Variants in TLK1 observed in about 807,000 individuals in gnomAD.
TLK1 encodes tousled like kinase 1.
Under a neutral mutation model 105.3 loss-of-function variants are expected in TLK1, and 24 were observed. The ratio of observed to expected loss-of-function variants is 0.23; its 90% CI spans 0.17 to 0.32. The LOEUF (loss-of-function observed/expected upper bound fraction) is 0.32, where lower values mean the gene tolerates loss of function less well. TLK1 is among the 10% of genes least tolerant of loss of function. TLK1 has a pLI of 1.00. For synonymous variants in TLK1, 321 were observed against 310.4 expected (o/e 1.03, Z -0.36); for missense variants, 558 against 910.5 (o/e 0.61, Z 4.98).
At chr2:171,015,682 CATTCATACACACACACAT>C (rs1411986042) in intron 12 of TLK1, among the ~76,000 whole-genome samples, 5 of 118,574 alleles carry the variant, frequency 4.2e-5, no homozygotes, top group South Asian at 3.3e-4. Flanking sequence ...TCATGTCATT[CATTCATACACACACACAT>C]ATACACACAC....
rs989773578 is a variant in TLK1 at position 171,053,859 on chromosome 2, T to C, written c.640-6A>G. ...TTCAGCATTGTGAGATCAGTCTAAATGAAAAAAAGTTATTTTATTATCTCC... is the reference window on the plus strand; with the variant it reads ...TTCAGCATTGTGAGATCAGTCTAAACGAAAAAAAGTTATTTTATTATCTCC... On this transcript the variant is annotated splice_polypyrimidine_tract_variant and splice_region_variant and intron_variant, in intron 7 of 20. Coordinates refer to ENST00000431350, the MANE Select transcript of TLK1 (RefSeq NM_012290.5). 6.3e-7 allele frequency: 1 copy of C among 1,575,130 alleles called. No homozygotes were observed. The highest frequency in any genetic ancestry group is 1.2e-5 in the South Asian group (1 of 85,176).
chr2:170,997,355 C>A (rs1456197595), intron 19 of TLK1, among the ~76,000 whole-genome samples: 1 of 152,044 alleles, frequency 6.6e-6, no homozygotes, highest in Admixed American at 6.5e-5. Flanking sequence ...AAACTGCCCA[C>A]CCAGGCCAAA....
intron 1 of TLK1, among the ~76,000 whole-genome samples, chr2:171,198,317 G>A (rs536253438): frequency 3.3e-5 from 5 of 152,146 alleles, no homozygotes; most frequent in African/African-American, 4.8e-5. Flanking sequence ...ATGTGTCAGC[G>A]CAATTAATTA....
At chr2:171,171,316 T>C (rs1692721118) in intron 1 of TLK1, among the ~76,000 whole-genome samples, 1 of 151,868 alleles carries the variant, frequency 6.6e-6, no homozygotes, top group Admixed American at 6.6e-5. Context: ...ATCACGCCAC[T>C]GCACTTCAGC....
chr2:171,019,071 T>C lies in TLK1; in HGVS notation c.1237-4123A>G, dbSNP rs1054806279. On this transcript the variant is annotated intron_variant, in intron 12 of 20. Transcript: ENST00000431350. Reference sequence around the variant, plus strand: ...TACAACAGATCTCAACACTGTCTCATTGTTTAAGTAACTTGCAAAAAACAC... The same window carrying C: ...TACAACAGATCTCAACACTGTCTCACTGTTTAAGTAACTTGCAAAAAACAC... 3.3e-5 allele frequency among the ~76,000 whole-genome samples: 5 copies of C among 152,112 alleles called. No individual in the cohort carries two copies. In the East Asian group the frequency reaches 5.8e-4, roughly 18 times the overall value.
Position 171,061,159 on chromosome 2 carries a change from A to G in TLK1, c.331-3T>C. ...TCCGATTGTTTCTTCTCCGGTGTCT[A>G]CAGAAAACAAGATAACAGATTTTTA... is the stretch of plus-strand genomic sequence containing the variant. On this transcript the variant is annotated splice_region_variant and splice_polypyrimidine_tract_variant and intron_variant, in intron 3 of 20. Transcript: ENST00000431350. 6.2e-7 allele frequency: 1 copy of G among 1,612,890 alleles called. No individual in the cohort carries two copies. Among genetic ancestry groups the G allele is most frequent in the Non-Finnish European group, 8.5e-7 (1 of 1,179,514 alleles).
In TLK1 at chr2:171,223,481, C is replaced by CTTTTTT. The variant is rs71013025; in HGVS notation, c.-6+7658_-6+7663dup. Among the ~76,000 whole-genome samples the CTTTTTT allele has an allele frequency of 5.5e-4, 70 of 126,972 alleles. 1 individual carries two copies. The highest frequency in any genetic ancestry group is 2.0e-3 in the African/African-American group (66 of 32,846). 83.3% of individuals were successfully genotyped at this position (126,972 alleles called of 152,430 possible). A position where few individuals can be genotyped will look rare whatever the true frequency, so the allele number is the denominator to read the frequency against. On this transcript the variant is annotated intron_variant, in intron 1 of 20. Transcript: ENST00000521943. Reference sequence around the variant, plus strand: ...TAAATGTCTATTCAGGTATTTTGCACTTTTTTTTTTTTTTTTTGGAAGGAC... The same window carrying CTTTTTT: ...TAAATGTCTATTCAGGTATTTTGCACTTTTTTTTTTTTTTTTTTTTTTTGGAAGGAC...
chr2:171,127,691 A>C (rs1690927682), intron 1 of TLK1, among the ~76,000 whole-genome samples: 1 of 152,136 alleles, frequency 6.6e-6, no homozygotes, highest in Admixed American at 6.5e-5. Flanking sequence ...ATATATATCT[A>C]ATTTTTTTCC....
At chr2:171,105,503 T>A (rs190030950) in intron 2 of TLK1, among the ~76,000 whole-genome samples, 55 of 152,162 alleles carry the variant, frequency 3.6e-4, no homozygotes, top group African/African-American at 1.3e-3. Context: ...CTGGCCAACA[T>A]GGTGAAACGC....
At chr2:171,028,488 GA>G in intron 11 of TLK1, 83 bp from the exon 12 acceptor site, 1 of 956,114 alleles carries the variant, frequency 1.0e-6, no homozygotes, top group Non-Finnish European at 1.6e-6. Context: ...AAATCAAGTG[GA>G]AATACTAAAA....
intron 12 of TLK1, among the ~76,000 whole-genome samples, chr2:171,017,966 A>G (rs1041630050): frequency 4.6e-5 from 7 of 152,252 alleles, no homozygotes; most frequent in Non-Finnish European, 8.8e-5. Context: ...TCTGGGGGAA[A>G]GGTAACTCTG....
intron 11 of TLK1, among the ~76,000 whole-genome samples, chr2:171,035,312 A>G (rs1331261631): frequency 2.7e-5 from 4 of 150,652 alleles, no homozygotes; most frequent in African/African-American, 9.8e-5. Context: ...ACTGTACTCC[A>G]GCCTGGGCAC....
At chr2:170,996,454 T>C (rs536035771) in intron 20 of TLK1, among the ~76,000 whole-genome samples, 199 bp downstream of exon 20, 3 of 152,274 alleles carry the variant, frequency 2.0e-5, no homozygotes, top group South Asian at 2.1e-4. Flanking sequence ...TCAGAGACCA[T>C]AGCTTAAAAG....
In TLK1 at chr2:171,160,250, G is replaced by T; in HGVS notation, c.139+40C>A. On this transcript the variant is annotated intron_variant, in intron 1 of 20. Transcript: ENST00000431350. The surrounding 1 kb of genome is among the most constrained non-coding windows in gnomAD (Gnocchi z 4.4). ...GGGCGCGGGGGTCCGCGGCGCGGGAGAGGAGGCCCGCGAGCGGGCGCGGGC... is the reference window on the plus strand; with the variant it reads ...GGGCGCGGGGGTCCGCGGCGCGGGATAGGAGGCCCGCGAGCGGGCGCGGGC... 1 of 1,443,184 alleles carries T rather than the reference G, an allele frequency of 6.9e-7. No individual in the cohort carries two copies. Among genetic ancestry groups the T allele is most frequent in the Non-Finnish European group, 9.1e-7 (1 of 1,100,774 alleles). 89.4% of individuals were successfully genotyped at this position (1,443,184 alleles called of 1,614,324 possible).
intron 1 of TLK1, among the ~76,000 whole-genome samples, chr2:171,122,825 G>A (rs59841744): frequency 1.3e-5 from 2 of 151,822 alleles, no homozygotes; most frequent in East Asian, 1.9e-4. Flanking sequence ...GATCACTTAA[G>A]GTCAGGAGTT....
chr2:171,069,487 G>A (rs1378755080), intron 3 of TLK1, among the ~76,000 whole-genome samples: 8 of 152,134 alleles, frequency 5.3e-5, no homozygotes, highest in Non-Finnish European at 7.4e-5. Context: ...TTTGGTTGAC[G>A]CACTGAGGAT....
chr2:171,065,457 A>C (rs572252346), intron 3 of TLK1, among the ~76,000 whole-genome samples: 16 of 152,362 alleles, frequency 1.1e-4, no homozygotes, highest in African/African-American at 3.6e-4. Context: ...TTCAATCTTC[A>C]AACCTGACAG....
chr2:171,205,108 G>A (rs951982014), intron 1 of TLK1, among the ~76,000 whole-genome samples: 1 of 152,126 alleles, frequency 6.6e-6, no homozygotes, highest in Non-Finnish European at 1.5e-5. Flanking sequence ...AGCACTTTGG[G>A]AGGCTGAGGT....
chr2:170,994,627 A>G (rs187906976), intron 20 of TLK1: 5 of 509,258 alleles, frequency 9.8e-6, no homozygotes, highest in Non-Finnish European at 2.0e-5. Context: ...AAATACATCT[A>G]TGTAACTGGC....
Sources: gnomAD v4.1 joint callset for allele counts (sites outside exome capture counted in the v4.1 genomes callset) on GRCh38, gnomAD v4.1.1 for gene constraint, Gnocchi (gnomAD v3.1) non-coding constraint, MANE v1.5 for transcripts, NCBI Gene and HGNC (gene_info 2026-07-23, HGNC 2026-07-21) for gene names.